Variants in PHKA2 observed in about 807,000 individuals in gnomAD.
PHKA2 encodes phosphorylase b kinase regulatory subunit alpha, liver isoform.
PHKA2 carries 31 observed loss-of-function variants against 102.0 expected under a neutral mutation model. The ratio of observed to expected loss-of-function variants is 0.30; its 90% confidence interval spans 0.23 to 0.41. PHKA2 has a LOEUF of 0.41. Ranked by LOEUF, PHKA2 falls within the 10% of genes least tolerant of loss-of-function variation. The pLI, the probability that PHKA2 is intolerant of heterozygous loss-of-function variation, is 1.00. For missense variants in PHKA2, 858 were observed against 1,023.1 expected, an observed-to-expected ratio of 0.84 and a Z score of 2.20; for synonymous variants, 455 against 416.2, an observed-to-expected ratio of 1.09 and a Z score of -1.13.
chrX:18,906,842 T>G, intron 23 of PHKA2, 28 bp from the exon 24 acceptor site: 4 of 1,152,719 alleles, frequency 3.5e-6, no homozygotes, highest in Non-Finnish European at 4.8e-6. Context: ...GTCACGAATG[T>G]GATGAGGTGT....
At chrX:18,929,338 TATTG>T (rs1404348117) in intron 12 of PHKA2, 32 bp from the exon 13 acceptor site, 3 of 949,916 alleles carry the variant, frequency 3.2e-6, no homozygotes, top group African/African-American at 3.9e-5. Context: ...CACTATGAAA[TATTG>T]ATTAACTAAA....
At chrX:18,944,123 A>G (rs1204118193) in intron 6 of PHKA2, among the ~76,000 whole-genome samples, 1 of 110,454 alleles carries the variant, frequency 9.1e-6, no homozygotes, top group Non-Finnish European at 1.9e-5. Flanking sequence ...CCCTATTCTT[A>G]TTTTCAGTGG....
intron 20 of PHKA2, among the ~76,000 whole-genome samples, chrX:18,910,121 A>T (rs1004231913): frequency 1.8e-5 from 2 of 111,996 alleles, no homozygotes; most frequent in Admixed American, 1.9e-4. Context: ...TATTTTTAAA[A>T]TTTTTTTATG....
At chrX:18,914,173 C>T (rs1268901840) in intron 19 of PHKA2, among the ~76,000 whole-genome samples, 2 of 112,536 alleles carry the variant, frequency 1.8e-5, no homozygotes, top group East Asian at 2.8e-4. Flanking sequence ...ACTACAGCTA[C>T]GATGTCACTA....
In PHKA2 at chrX:18,893,431, A is replaced by C; in HGVS notation, c.*54T>G. ...CTTGGGGGACAGAAGGTTCCCAGTA[A>C]GGCTAGGGGGCACGTGACAGATTGA... is the stretch of plus-strand genomic sequence containing the variant. On this transcript the variant is annotated 3_prime_UTR_variant, in exon 33 of 33. Transcript: ENST00000379942. 8.8e-7 allele frequency: 1 copy of C among 1,138,804 alleles called. No individual in the cohort carries two copies. 93.9% of individuals were successfully genotyped at this position (1,138,804 alleles called of 1,213,427 possible). A position where few individuals can be genotyped will look rare whatever the true frequency, so the allele number is the denominator to read the frequency against.
intron 26 of PHKA2, among the ~76,000 whole-genome samples, chrX:18,903,633 A>G (rs2047742458): frequency 8.9e-6 from 1 of 112,156 alleles, no homozygotes; most frequent in South Asian, 3.7e-4. Flanking sequence ...CTCGGGCTGG[A>G]GGGGGAAGTG....
At chrX:18,924,896 G>T (rs2048186421) in intron 15 of PHKA2, among the ~76,000 whole-genome samples, 1 of 112,321 alleles carries the variant, frequency 8.9e-6, no homozygotes, top group Non-Finnish European at 1.9e-5. Flanking sequence ...ACTGTGAGCA[G>T]GTGGGAGGTG....
chrX:18,940,796 C>A (rs931454036), intron 8 of PHKA2, among the ~76,000 whole-genome samples: 1 of 111,697 alleles, frequency 9.0e-6, no homozygotes, highest in Non-Finnish European at 1.9e-5. Context: ...TGGGAGTCAT[C>A]CCAGGAGGCT....
rs150591568 is a variant in PHKA2, at chrX:18,944,033, T to C, written c.619-225A>G. 5.7e-3 allele frequency among the ~76,000 whole-genome samples: 628 copies of C among 110,575 alleles called. 4 individuals carry two copies. Among genetic ancestry groups the C allele is most frequent in the African/African-American group, 0.02 (599 of 30,346 alleles). On this transcript the variant is annotated intron_variant, in intron 6 of 32. Coordinates refer to ENST00000379942, the MANE Select transcript of PHKA2 (RefSeq NM_000292.3). ...TCTCGCCATTTTGCCAGGGCTGGTC[T>C]TGAACTCCCGGGCTCAGGTGATCCT...
intron 1 of PHKA2, among the ~76,000 whole-genome samples, 196 bp downstream of exon 1, chrX:18,983,659 G>A (rs767094459): frequency 5.3e-5 from 6 of 112,556 alleles, no homozygotes; most frequent in Non-Finnish European, 9.4e-5. Flanking sequence ...AGTAGCCGTA[G>A]CAACAGTTAG....
At chrX:18,939,654 C>T (rs1052083337) in intron 9 of PHKA2, among the ~76,000 whole-genome samples, 4 of 111,699 alleles carry the variant, frequency 3.6e-5, no homozygotes, top group African/African-American at 9.8e-5. Flanking sequence ...CCACCACACC[C>T]GGCTAATTTT....
At chrX:18,974,015 T>C (rs1159367214) in intron 1 of PHKA2, among the ~76,000 whole-genome samples, 1 of 111,052 alleles carries the variant, frequency 9.0e-6, no homozygotes, top group African/African-American at 3.3e-5. Context: ...GCAGAAGCAA[T>C]CAAAAGGGAA....
intron 30 of PHKA2, chrX:18,896,597 C>A: frequency 6.9e-6 from 1 of 145,826 alleles, no homozygotes; most frequent in Non-Finnish European, 1.4e-5. Flanking sequence ...GAGGGTGGGG[C>A]TCAGTCACAT....
At chrX:18,969,672 A>G (rs2048994340) in intron 1 of PHKA2, among the ~76,000 whole-genome samples, 1 of 111,540 alleles carries the variant, frequency 9.0e-6, no homozygotes, top group South Asian at 3.8e-4. Context: ...CATCTTACGA[A>G]TGGGATGAAA....
rs779602436 is a variant in PHKA2 at position 18,906,421 on chromosome X, CCT to C, written c.2806+72_2806+73del. The stretch of plus-strand genomic sequence containing the variant: ...TCGAGATAACCTAAGCAGTTCTTCC[CCT>C]GAGAGTGGAGGCCGTGGCCGGGTGG... On this transcript the variant is annotated intron_variant, in intron 25 of 32. Coordinates refer to ENST00000379942, the MANE Select transcript of PHKA2 (RefSeq NM_000292.3). 8.7e-5 allele frequency: 102 copies of C among 1,166,878 alleles called. No individual in the cohort carries two copies. The African/African-American group carries it at 1.4e-3, about 17-fold the overall frequency.
intron 11 of PHKA2, among the ~76,000 whole-genome samples, chrX:18,933,414 T>C: frequency 8.8e-6 from 1 of 113,237 alleles, no homozygotes; most frequent in Middle Eastern, 4.6e-3. Flanking sequence ...GCCACCCTTG[T>C]GCCCCAGTAG....
rs1224179564 is a variant in PHKA2, at chrX:18,919,984, G to C, written c.1963+48C>G. 2.9e-6 allele frequency: 3 copies of C among 1,021,039 alleles called. No individual in the cohort carries two copies. In the Admixed American group the frequency reaches 6.6e-5, roughly 22 times the overall value. The allele number at this position is 1,021,039 out of a possible 1,213,427, so 84.1% of individuals were successfully genotyped here. On this transcript the variant is annotated intron_variant, in intron 18 of 32. Coordinates refer to ENST00000379942, the MANE Select transcript of PHKA2 (RefSeq NM_000292.3). The stretch of plus-strand genomic sequence containing the variant: ...AGGGCAATTTTATCACAATGCTAAA[G>C]TTTAAATAAATTCAGCGAACTACCC...
intron 1 of PHKA2, among the ~76,000 whole-genome samples, chrX:18,963,482 T>C (rs1601792371): frequency 8.9e-6 from 1 of 112,160 alleles, no homozygotes; most frequent in Non-Finnish European, 1.9e-5. Flanking sequence ...TAAAGAGACA[T>C]ACCATATTTG....
chrX:18,952,329 CAA>C (rs1198542984), intron 3 of PHKA2, among the ~76,000 whole-genome samples, 163 bp downstream of exon 3: 104 of 35,317 alleles, frequency 2.9e-3, no homozygotes, highest in African/African-American at 7.3e-3. Context: ...GACCCTGTCT[CAA>C]AAAAAAAAAA....
Sources: gnomAD v4.1 joint callset for allele counts (sites outside exome capture counted in the v4.1 genomes callset) on GRCh38, gnomAD v4.1.1 for gene constraint, MANE v1.5 for transcripts, NCBI Gene and HGNC (gene_info 2026-07-23, HGNC 2026-07-21) for gene names.